CRY1: variants seen among roughly 807,000 people sequenced by gnomAD.
The protein encoded by CRY1 is cryptochrome circadian regulator 1, also known as cryptochrome-1.
Under a neutral mutation model 76.0 loss-of-function variants are expected in CRY1, and 45 were observed. The observed-to-expected ratio is 0.59, with a 90% CI of 0.47 to 0.76. The LOEUF is 0.76. CRY1 is among the 30% of genes least tolerant of loss of function. The probability of loss-of-function intolerance (pLI) is 0.00; values close to 1 mark genes in which losing one functional copy is unlikely to be tolerated. For synonymous variants in CRY1, 248 were observed against 244.0 expected (o/e 1.02, Z -0.15); for missense variants, 587 against 716.4 (o/e 0.82, Z 2.06).
intron 1 of CRY1, among the ~76,000 whole-genome samples, chr12:107,069,656 GTATA>G (rs1165928985): frequency 6.2e-5 from 6 of 96,256 alleles, no homozygotes; most frequent in Admixed American, 5.0e-4. Flanking sequence ...AGTATATAAA[GTATA>G]TATAAAGTAT....
intron 1 of CRY1, among the ~76,000 whole-genome samples, chr12:107,084,719 C>T (rs552132033): frequency 6.6e-6 from 1 of 152,228 alleles, no homozygotes; most frequent in East Asian, 1.9e-4. Flanking sequence ...CATAAAAACC[C>T]TAGAAGAAAA....
intron 1 of CRY1, among the ~76,000 whole-genome samples, chr12:107,041,980 A>T (rs1035879175): frequency 2.0e-5 from 3 of 152,240 alleles, no homozygotes; most frequent in Admixed American, 6.5e-5. Flanking sequence ...GTCAGAAAAA[A>T]GTGCTCAAGA....
Position 107,093,024 on chromosome 12 carries a change from G to C in CRY1, c.-63C>G. 1 of 1,443,540 alleles carries C rather than the reference G, an allele frequency of 6.9e-7. No individual in the cohort carries two copies. Among genetic ancestry groups the C allele is most frequent in the Non-Finnish European group, 9.1e-7 (1 of 1,101,560 alleles). The allele number at this position is 1,443,540 out of a possible 1,614,324, so 89.4% of individuals were successfully genotyped here. ...AGGAAGGAGGCTCCGGCTCATAGCC[G>C]ACACCTTCGCTTCCAAGAGAATTGC... On this transcript the variant is annotated 5_prime_UTR_variant, in exon 1 of 13. Transcript: ENST00000008527.
chr12:107,039,888 T>C (rs971326800), intron 1 of CRY1, among the ~76,000 whole-genome samples: 3 of 152,122 alleles, frequency 2.0e-5, no homozygotes, highest in Admixed American at 6.5e-5. Flanking sequence ...CTATTCAAAA[T>C]AGCCACAAGA....
intron 1 of CRY1, among the ~76,000 whole-genome samples, chr12:107,040,804 T>TCTGTA (rs1768590440): frequency 6.6e-6 from 1 of 152,094 alleles, no homozygotes; most frequent in South Asian, 2.1e-4. Context: ...AAAGGTCAAT[T>TCTGTA]ACTAATAAGT....
chr12:107,015,075 A>G (rs920023911), intron 2 of CRY1, among the ~76,000 whole-genome samples: 3 of 152,128 alleles, frequency 2.0e-5, no homozygotes, highest in African/African-American at 7.2e-5. Context: ...ACGGGGTTTC[A>G]CCATGTTGGT....
At chr12:107,070,387 T>C (rs893871430) in intron 1 of CRY1, among the ~76,000 whole-genome samples, 2 of 152,142 alleles carry the variant, frequency 1.3e-5, no homozygotes, top group Admixed American at 1.3e-4. Flanking sequence ...ATAGCATTTA[T>C]GTAAGTTAAA....
At position 107,001,890 on chromosome 12, in the gene CRY1, TGA is replaced by T; in HGVS notation, c.467_468del (p.Leu156HisfsTer28). ...ATCTCTAGTGGTTCCATTTTGCTGA[TGA>T]GAGTCTGGAATCTTTTATAAGTTAG... is the stretch of plus-strand genomic sequence containing the variant. Reference protein sequence around the residue: ...PPLTYKRFQTLISKMEPLEIP... With the variant: ...PPLTYKRFQTXISKMEPLEIP... On this transcript the variant is annotated frameshift_variant, in exon 4 of 13. Coordinates refer to ENST00000008527, the MANE Select transcript of CRY1 (RefSeq NM_004075.5). LOFTEE classifies it high-confidence loss of function. 1.2e-6 allele frequency: 2 copies of T among 1,601,796 alleles called. No individual in the cohort carries two copies. The highest frequency in any genetic ancestry group is 1.8e-5 in the Admixed American group (1 of 56,200).
chr12:107,052,428 G>A (rs1378300058), intron 1 of CRY1, among the ~76,000 whole-genome samples: 9 of 152,092 alleles, frequency 5.9e-5, no homozygotes. Context: ...AAACACACCT[G>A]TGGTTTTTTA....
chr12:106,998,468 T>C (rs985019070), intron 7 of CRY1, among the ~76,000 whole-genome samples: 1 of 152,184 alleles, frequency 6.6e-6, no homozygotes, highest in Admixed American at 6.5e-5. Context: ...CTTCATATTC[T>C]AGCCTAAATA....
chr12:107,079,287 T>C (rs1211350044), intron 1 of CRY1, among the ~76,000 whole-genome samples: 1 of 152,178 alleles, frequency 6.6e-6, no homozygotes, highest in Non-Finnish European at 1.5e-5. Flanking sequence ...CTGAGACTTC[T>C]GGGCCAAAGG....
chr12:107,068,228 A>G (rs1422047964), intron 1 of CRY1, among the ~76,000 whole-genome samples: 1 of 152,206 alleles, frequency 6.6e-6, no homozygotes, highest in East Asian at 1.9e-4. Context: ...AAGTTTGCCA[A>G]TCTCTGATAT....
intron 2 of CRY1, 118 bp from the exon 3 acceptor site, chr12:107,005,366 T>C (rs1164279214): frequency 7.6e-6 from 8 of 1,057,406 alleles, no homozygotes; most frequent in Non-Finnish European, 1.1e-5. Flanking sequence ...AAATCAAACT[T>C]TGAATATGCA....
Position 107,077,832 on chromosome 12 carries a change from C to G in CRY1, c.158+14972G>C, listed in dbSNP as rs144935815. ...TGAATCATTTCCCCCACTCCCCTCC[C>G]CTCACCTGCTACACACACCTTTGTT... On this transcript the variant is annotated intron_variant, in intron 1 of 12. Coordinates refer to ENST00000008527, the MANE Select transcript of CRY1 (RefSeq NM_004075.5). 7.1e-3 allele frequency among the ~76,000 whole-genome samples: 1,086 copies of G among 152,136 alleles called. 20 individuals carry two copies. Among genetic ancestry groups the G allele is most frequent in the African/African-American group, 0.025 (1,041 of 41,478 alleles).
intron 1 of CRY1, among the ~76,000 whole-genome samples, chr12:107,088,478 A>T (rs1473851382): frequency 6.6e-6 from 1 of 151,558 alleles, no homozygotes; most frequent in Non-Finnish European, 1.5e-5. Flanking sequence ...ATAATAACAC[A>T]AACAGACTAA....
intron 1 of CRY1, among the ~76,000 whole-genome samples, chr12:107,071,083 C>G (rs1953186125): frequency 6.6e-6 from 1 of 152,078 alleles, no homozygotes; most frequent in East Asian, 1.9e-4. Flanking sequence ...GTCCTAAAAA[C>G]AGCAATAAAT....
chr12:107,068,486 C>G (rs1953139341), intron 1 of CRY1, among the ~76,000 whole-genome samples: 2 of 151,910 alleles, frequency 1.3e-5, no homozygotes, highest in South Asian at 2.1e-4. Flanking sequence ...TTTGGAGAGA[C>G]AGGGTTTCAC....
intron 1 of CRY1, among the ~76,000 whole-genome samples, chr12:107,068,116 T>A (rs1209093808): frequency 6.6e-6 from 1 of 152,100 alleles, no homozygotes; most frequent in Non-Finnish European, 1.5e-5. Flanking sequence ...AACACAGACA[T>A]CCTAATTAGT....
At chr12:106,998,133 C>A in intron 7 of CRY1, 67 bp from the exon 8 acceptor site, 1 of 1,559,442 alleles carries the variant, frequency 6.4e-7, no homozygotes, top group South Asian at 1.2e-5. Flanking sequence ...TTTTCAAGGT[C>A]ACAGTAGAGC....
Sources: gnomAD v4.1 joint callset for allele counts (sites outside exome capture counted in the v4.1 genomes callset) on GRCh38, gnomAD v4.1.1 for gene constraint, MANE v1.5 for transcripts, NCBI Gene and HGNC (gene_info 2026-07-23, HGNC 2026-07-21) for gene names.